The following MACROD2 variants were observed in gnomAD, a reference collection of about 807,000 sequenced individuals.
MACROD2 encodes the protein ADP-ribose glycohydrolase MACROD2.
In MACROD2, 36 loss-of-function variants were observed where a neutral mutation model predicts 70.4. That is an observed-to-expected ratio of 0.51 (90% CI 0.39 to 0.68). MACROD2 has a LOEUF of 0.68. Among genes scored for constraint, MACROD2 ranks in the 30% least tolerant of loss-of-function variants. MACROD2 has a pLI of 0.00. For synonymous variants in MACROD2, 172 were observed against 178.8 expected, an observed-to-expected ratio of 0.96 and a Z score of 0.30; for missense variants, 496 against 538.4, an observed-to-expected ratio of 0.92 and a Z score of 0.78.
intron 8 of MACROD2, among the ~76,000 whole-genome samples, chr20:15,629,860 G>A (rs559445453): frequency 4.6e-5 from 7 of 152,060 alleles, no homozygotes; most frequent in Non-Finnish European, 8.8e-5. Flanking sequence ...TTCCTAAATC[G>A]CAAAATCAAA....
At chr20:14,895,659 C>T (rs912059911) in intron 5 of MACROD2, 6 of 151,898 alleles carry the variant, frequency 4.0e-5, no homozygotes, top group Non-Finnish European at 7.4e-5. Flanking sequence ...GGGAGGTAGC[C>T]TCTTTATAAG....
intron 8 of MACROD2, among the ~76,000 whole-genome samples, chr20:15,702,837 A>C (rs1008682442): frequency 6.6e-6 from 1 of 152,244 alleles, no homozygotes; most frequent in Non-Finnish European, 1.5e-5. Context: ...AGACAAAGCA[A>C]TCCTAAGCCA....
chr20:15,099,228 AG>A (rs1248734261), intron 5 of MACROD2, among the ~76,000 whole-genome samples: 4 of 152,194 alleles, frequency 2.6e-5, no homozygotes, highest in African/African-American at 4.8e-5. Context: ...GTGTGTCCTC[AG>A]CATTCATATA....
intron 4 of MACROD2, among the ~76,000 whole-genome samples, chr20:14,579,127 CTTTTTTT>C (rs71190141): frequency 5.4e-5 from 4 of 74,356 alleles, no homozygotes; most frequent in Admixed American, 2.2e-4. Flanking sequence ...GTATCCAATT[CTTTTTTT>C]TTTTTTTTTT....
intron 6 of MACROD2, among the ~76,000 whole-genome samples, chr20:15,311,028 C>A (rs2077746655): frequency 6.6e-6 from 1 of 151,914 alleles, no homozygotes; most frequent in African/African-American, 2.4e-5. Flanking sequence ...ATTTTCAGAG[C>A]AGAAAGGGGA....
intron 8 of MACROD2, among the ~76,000 whole-genome samples, chr20:15,849,648 A>G (rs1361287458): frequency 6.6e-6 from 1 of 152,202 alleles, no homozygotes; most frequent in East Asian, 1.9e-4. Flanking sequence ...ATGAATGACA[A>G]TTCTTCCTTG....
chr20:14,990,553 G>A (rs1389146030), intron 5 of MACROD2, among the ~76,000 whole-genome samples: 53 of 134,204 alleles, frequency 3.9e-4, no homozygotes, highest in African/African-American at 1.2e-3. Context: ...TCGCTCTGCC[G>A]CCCAGGCTGG....
intron 3 of MACROD2, among the ~76,000 whole-genome samples, chr20:14,119,159 ATTTTTTTTTTT>A (rs1181793101): frequency 5.3e-5 from 3 of 56,738 alleles, no homozygotes; most frequent in Non-Finnish European, 8.8e-5. Context: ...AATGACTGTG[ATTTTTTTTTTT>A]TTTTTTTTTT....
At chr20:15,237,050 G>C (rs1033891685) in intron 6 of MACROD2, among the ~76,000 whole-genome samples, 1 of 152,132 alleles carries the variant, frequency 6.6e-6, no homozygotes, top group East Asian at 1.9e-4. Context: ...GCAGGGACAG[G>C]GATGTTGTGA....
chr20:14,643,294 A>C (rs1254012425), intron 4 of MACROD2, among the ~76,000 whole-genome samples: 1 of 152,186 alleles, frequency 6.6e-6, no homozygotes, highest in African/African-American at 2.4e-5. Flanking sequence ...TTATTATGTC[A>C]GTGCAATGCT....
At chr20:14,127,082 C>A (rs1301795530) in intron 3 of MACROD2, among the ~76,000 whole-genome samples, 3 of 152,132 alleles carry the variant, frequency 2.0e-5, no homozygotes, top group African/African-American at 7.2e-5. Flanking sequence ...CCTCTTGCTC[C>A]AGTTGGGAGA....
In MACROD2 at chr20:15,945,856, C is replaced by T. The variant is rs76059765; in HGVS notation, c.907+8312C>T. Among the ~76,000 whole-genome samples, 992 of 152,244 alleles carry T rather than the reference C, an allele frequency of 6.5e-3. 9 individuals are homozygous for T. The highest frequency in any genetic ancestry group is 0.021 in the African/African-American group (891 of 41,550). ...ATTTTCTATCCACCATGCTGCCTCC[C>T]GTATCATGAATTTGGAGCAGAGGAC... On this transcript the variant is annotated intron_variant, in intron 12 of 17. Transcript: ENST00000684519.
At chr20:15,065,588 A>G (rs2075567643) in intron 5 of MACROD2, among the ~76,000 whole-genome samples, 1 of 149,886 alleles carries the variant, frequency 6.7e-6, no homozygotes. Flanking sequence ...TGGGAGGCGG[A>G]GCTTGCAGTG....
At chr20:16,013,742 A>G (rs544957337) in intron 15 of MACROD2, among the ~76,000 whole-genome samples, 1 of 152,342 alleles carries the variant, frequency 6.6e-6, no homozygotes, top group African/African-American at 2.4e-5. Flanking sequence ...AGTAACATTC[A>G]TGGAGAATAC....
chr20:15,611,360 C>G (rs1253690653), intron 8 of MACROD2, among the ~76,000 whole-genome samples: 1 of 152,182 alleles, frequency 6.6e-6, no homozygotes, highest in Non-Finnish European at 1.5e-5. Flanking sequence ...TGCCACCAAG[C>G]TGTGTCCATT....
intron 15 of MACROD2, among the ~76,000 whole-genome samples, chr20:16,035,837 A>G (rs949800809): frequency 1.7e-4 from 26 of 151,874 alleles, no homozygotes; most frequent in Non-Finnish European, 3.4e-4. Context: ...CCCCTAAAGC[A>G]TGTTGTCCTT....
intron 3 of MACROD2, among the ~76,000 whole-genome samples, chr20:14,361,724 C>A (rs185897079): frequency 1.1e-4 from 17 of 152,166 alleles, no homozygotes; most frequent in Non-Finnish European, 1.8e-4. Context: ...GGCCATTGGA[C>A]TAGGGAGGTG....
intron 3 of MACROD2, among the ~76,000 whole-genome samples, chr20:14,450,295 T>C (rs1352694531): frequency 1.3e-5 from 2 of 152,156 alleles, no homozygotes; most frequent in African/African-American, 2.4e-5. Context: ...AAGTACACAT[T>C]GGGCTAATGA....
chr20:14,444,558 G>A (rs145494836), intron 3 of MACROD2, among the ~76,000 whole-genome samples: 87 of 151,978 alleles, frequency 5.7e-4, no homozygotes, highest in Admixed American at 7.9e-4. Flanking sequence ...CTAGGTGATC[G>A]CATTCAGTCT....
Sources: allele counts gnomAD v4.1 joint callset (sites outside exome capture counted in the v4.1 genomes callset), GRCh38; gene constraint gnomAD v4.1.1; transcripts MANE v1.5; gene names NCBI Gene and HGNC (gene_info 2026-07-23, HGNC 2026-07-21).